Variants in GRID2 observed in about 807,000 individuals in gnomAD.
GRID2 encodes the protein glutamate ionotropic receptor delta type subunit 2, also known as glutamate receptor ionotropic, delta-2.
In GRID2, 33 loss-of-function variants were observed where a neutral mutation model predicts 114.8. The observed-to-expected ratio is 0.29, with a 90% CI of 0.22 to 0.38. GRID2 has a LOEUF of 0.38. Among genes scored for constraint, GRID2 ranks in the 10% least tolerant of loss-of-function variants. GRID2 has a pLI of 1.00. For synonymous variants in GRID2, 505 were observed against 449.9 expected (o/e 1.12, Z -1.55); for missense variants, 1,184 against 1,257.7 (o/e 0.94, Z 0.89).
At chr4:93,599,559 T>G (rs1411089492) in intron 13 of GRID2, among the ~76,000 whole-genome samples, 3 of 152,244 alleles carry the variant, frequency 2.0e-5, no homozygotes, top group African/African-American at 7.2e-5. Context: ...ATCCTAAAAC[T>G]ATGGCTTCCA....
At chr4:93,478,421 A>G (rs774630727) in intron 11 of GRID2, among the ~76,000 whole-genome samples, 19 of 151,984 alleles carry the variant, frequency 1.3e-4, no homozygotes, top group Non-Finnish European at 7.4e-5. Context: ...AAGTTTCAAA[A>G]ATTATAAAGA....
rs907534371 is a variant in GRID2, at chr4:92,346,744, C to T, written c.88+42000C>T. 7.2e-5 allele frequency among the ~76,000 whole-genome samples: 11 copies of T among 152,266 alleles called. No homozygotes were observed. In the East Asian group the frequency reaches 2.1e-3, roughly 29 times the overall value. ...GAATATTCATGTAAACATTTGTACT[C>T]TTTTCCCATTCCATTGGAATAGTTA... On this transcript the variant is annotated intron_variant, in intron 1 of 15. Transcript: ENST00000282020.
chr4:92,516,161 A>G, intron 1 of GRID2, among the ~76,000 whole-genome samples: 1 of 151,936 alleles, frequency 6.6e-6, no homozygotes, highest in East Asian at 1.9e-4. Flanking sequence ...GCAGAGAATC[A>G]ACTCAACTAG....
intron 1 of GRID2, among the ~76,000 whole-genome samples, chr4:92,529,834 AT>A (rs773066855): frequency 1.5e-4 from 23 of 152,162 alleles, no homozygotes; most frequent in Non-Finnish European, 2.9e-4. Flanking sequence ...GGCCATTGAC[AT>A]GAAATGCTGA....
intron 8 of GRID2, among the ~76,000 whole-genome samples, chr4:93,332,122 A>G (rs549023832): frequency 2.6e-5 from 4 of 152,134 alleles, no homozygotes; most frequent in Non-Finnish European, 5.9e-5. Flanking sequence ...CTTCAACGAT[A>G]GTAACTATAA....
intron 2 of GRID2, among the ~76,000 whole-genome samples, chr4:92,594,716 A>G (rs78030428): frequency 0.029 from 4,348 of 152,098 alleles, 210 homozygotes; most frequent in African/African-American, 0.099. Context: ...GTAGCTGTTC[A>G]TAGGTTACTC....
At chr4:93,556,793 C>G (rs1048291375) in intron 13 of GRID2, among the ~76,000 whole-genome samples, 1 of 152,056 alleles carries the variant, frequency 6.6e-6, no homozygotes, top group Non-Finnish European at 1.5e-5. Context: ...GACACATACT[C>G]ATGAGATCCA....
At chr4:93,241,069 C>G (rs1747454106) in intron 8 of GRID2, among the ~76,000 whole-genome samples, 1 of 151,470 alleles carries the variant, frequency 6.6e-6, no homozygotes, top group South Asian at 2.1e-4. Flanking sequence ...TTTCATGTGT[C>G]AATAATTTTG....
chr4:92,687,959 T>C (rs954057566), intron 2 of GRID2, among the ~76,000 whole-genome samples: 1 of 150,440 alleles, frequency 6.6e-6, no homozygotes, highest in African/African-American at 2.4e-5. Context: ...TGGTGGTTGC[T>C]GAAGGTTGGG....
chr4:92,775,647 T>G (rs1333681178), intron 2 of GRID2, among the ~76,000 whole-genome samples: 1 of 152,158 alleles, frequency 6.6e-6, no homozygotes, highest in Admixed American at 6.6e-5. Flanking sequence ...CAACATTAGC[T>G]GGCATACAGC....
At chr4:92,930,990 A>G (rs754641355) in intron 2 of GRID2, among the ~76,000 whole-genome samples, 1 of 151,040 alleles carries the variant, frequency 6.6e-6, no homozygotes, top group Non-Finnish European at 1.5e-5. Context: ...GAAATTAAGG[A>G]AGGAAACACT....
At chr4:92,939,676 G>T (rs1164215700) in intron 2 of GRID2, among the ~76,000 whole-genome samples, 6 of 146,882 alleles carry the variant, frequency 4.1e-5, no homozygotes, top group East Asian at 4.3e-4. Context: ...CTAGGTTTTT[G>T]TCTAGGGTTT....
At chr4:93,305,454 AAAGGGACAACTTTGGCTGATG>A (rs1228786925) in intron 8 of GRID2, among the ~76,000 whole-genome samples, 5 of 152,200 alleles carry the variant, frequency 3.3e-5, no homozygotes, top group African/African-American at 1.2e-4. Context: ...ACCTCTGGAC[AAAGGGACAACTTTGGCTGATG>A]ATGCTTAGGG....
At chr4:92,618,139 A>G (rs1730091014) in intron 2 of GRID2, among the ~76,000 whole-genome samples, 1 of 151,600 alleles carries the variant, frequency 6.6e-6, no homozygotes, top group African/African-American at 2.4e-5. Context: ...AAAATTATAT[A>G]TTTTCTAGTC....
intron 1 of GRID2, among the ~76,000 whole-genome samples, chr4:92,360,894 A>G (rs1728586285): frequency 6.6e-6 from 1 of 151,804 alleles, no homozygotes; most frequent in Admixed American, 6.6e-5. Context: ...ATTTTTATAG[A>G]TAAGATATAG....
chr4:92,988,176 C>A (rs1018068732), intron 2 of GRID2, among the ~76,000 whole-genome samples: 2 of 152,046 alleles, frequency 1.3e-5, no homozygotes, highest in Non-Finnish European at 2.9e-5. Context: ...GTGCTTCTGG[C>A]TCAGGGTTCA....
chr4:92,561,728 T>C (rs1268809158), intron 1 of GRID2, among the ~76,000 whole-genome samples: 2 of 152,178 alleles, frequency 1.3e-5, no homozygotes, highest in South Asian at 4.1e-4. Context: ...TTTACATTAG[T>C]TCTAATTTTG....
intron 12 of GRID2, among the ~76,000 whole-genome samples, chr4:93,494,266 C>T: frequency 6.6e-6 from 1 of 151,766 alleles, no homozygotes; most frequent in East Asian, 1.9e-4. Context: ...TTTGCTGTGC[C>T]ATTGGCAAAC....
At chr4:92,674,065 A>G (rs1733207343) in intron 2 of GRID2, among the ~76,000 whole-genome samples, 1 of 152,122 alleles carries the variant, frequency 6.6e-6, no homozygotes, top group African/African-American at 2.4e-5. Flanking sequence ...AAGCTACTTT[A>G]TATTTGATTT....
Sources: gnomAD v4.1 joint callset for allele counts (sites outside exome capture counted in the v4.1 genomes callset) on GRCh38, gnomAD v4.1.1 for gene constraint, MANE v1.5 for transcripts, NCBI Gene and HGNC (gene_info 2026-07-23, HGNC 2026-07-21) for gene names.